The following FBXO34 variants were observed in gnomAD, a reference collection of about 807,000 sequenced individuals.
The protein encoded by FBXO34 is F-box only protein 34.
FBXO34 carries 12 observed loss-of-function variants against 24.5 expected under a neutral mutation model. The ratio of observed to expected loss-of-function variants is 0.49; its 90% CI spans 0.31 to 0.79. The LOEUF (loss-of-function observed/expected upper bound fraction) is 0.79. Ranked by LOEUF, FBXO34 falls within the 30% of genes least tolerant of loss-of-function variation. The pLI is 0.04. For missense variants in FBXO34, 823 were observed against 857.7 expected, an observed-to-expected ratio of 0.96 and a Z score of 0.51; for synonymous variants, 320 against 311.9, an observed-to-expected ratio of 1.03 and a Z score of -0.27.
At chr14:55,308,088 G>A (rs568213988) in intron 1 of FBXO34, among the ~76,000 whole-genome samples, 80 of 152,322 alleles carry the variant, frequency 5.3e-4, no homozygotes, top group African/African-American at 1.7e-3. Flanking sequence ...GCGTGTTGCC[G>A]TGTAAGAGTG....
the FBXO34 span, among the ~76,000 whole-genome samples, chr14:55,393,186 C>G: frequency 6.6e-6 from 1 of 151,938 alleles, no homozygotes; most frequent in Non-Finnish European, 1.5e-5. Flanking sequence ...TTGAGACCAT[C>G]CTGGCTAACA....
chr14:55,434,557 T>TA, the FBXO34 span, among the ~76,000 whole-genome samples: 1 of 144,792 alleles, frequency 6.9e-6, no homozygotes, highest in Non-Finnish European at 1.5e-5. Flanking sequence ...TGCCCACCCC[T>TA]ACCCCTCGTC....
chr14:55,280,019 CTCCAG>C (rs1285560355), intron 1 of FBXO34, among the ~76,000 whole-genome samples: 2 of 152,160 alleles, frequency 1.3e-5, no homozygotes, highest in Non-Finnish European at 1.5e-5. Context: ...TATCTTAAAC[CTCCAG>C]TGTGGTAGTG....
In FBXO34 at chr14:55,352,268, C is replaced by T; in HGVS notation, c.1878C>T (p.Arg626=). ...ATTCTCGCTGGGTTCGAGATCCACGCTATAGAGAGGATCCTTGCAAACAGT... is the reference window on the plus strand; with the variant it reads ...ATTCTCGCTGGGTTCGAGATCCACGTTATAGAGAGGATCCTTGCAAACAGT... ...PADSRWVRDP[R]YREDPCKQCK... Residue 626 remains arginine (R), a synonymous_variant, in exon 2 of 2, where the codon CGC becomes CGT. Transcript: ENST00000313833. The T allele has an allele frequency of 6.2e-7, 1 of 1,614,176 alleles. No individual in the cohort carries two copies. The highest frequency in any genetic ancestry group is 8.5e-7 in the Non-Finnish European group (1 of 1,180,028).
At chr14:55,381,025 G>C in the FBXO34 span, among the ~76,000 whole-genome samples, 1 of 151,816 alleles carries the variant, frequency 6.6e-6, no homozygotes, top group South Asian at 2.1e-4. Flanking sequence ...CCTCTCCAGA[G>C]AGGGCTCTCC....
At chr14:55,359,236 G>T (rs1291809102) in intron 3 of FBXO34, among the ~76,000 whole-genome samples, 1 of 152,110 alleles carries the variant, frequency 6.6e-6, no homozygotes, top group Non-Finnish European at 1.5e-5. Flanking sequence ...CCAAAGGCCA[G>T]TGCAAAATTT....
chr14:55,411,532 T>G, the FBXO34 span: 6 of 1,472,126 alleles, frequency 4.1e-6, no homozygotes, highest in Non-Finnish European at 5.5e-6. Context: ...AGCCCCAGGT[T>G]CCAGCCTTCG....
At chr14:55,330,641 A>G (rs1300715287) in intron 1 of FBXO34, among the ~76,000 whole-genome samples, 1 of 152,008 alleles carries the variant, frequency 6.6e-6, no homozygotes, top group African/African-American at 2.4e-5. Flanking sequence ...GTAAAAAAAA[A>G]TTAGCTGGGA....
the FBXO34 span, chr14:55,428,747 C>T: frequency 6.6e-7 from 1 of 1,522,070 alleles, no homozygotes; most frequent in Admixed American, 2.0e-5. Context: ...ACGTAAGCAA[C>T]CCATAATGTA....
At chr14:55,363,518 T>C (rs1183358392), downstream of FBXO34, among the ~76,000 whole-genome samples, 1 of 148,810 alleles carries the variant, frequency 6.7e-6, no homozygotes, top group African/African-American at 2.5e-5. Context: ...AGTAGAGATG[T>C]GGTTTTCACC....
the FBXO34 span, chr14:55,429,077 A>G: frequency 3.6e-6 from 5 of 1,387,882 alleles, no homozygotes; most frequent in South Asian, 5.3e-5. Context: ...TTATCTTTCA[A>G]TGTATACTAT....
chr14:55,384,673 C>T, the FBXO34 span, among the ~76,000 whole-genome samples: 1 of 152,208 alleles, frequency 6.6e-6, no homozygotes, highest in Non-Finnish European at 1.5e-5. Context: ...ACTCTGGCAA[C>T]AGACTAAAAG....
chr14:55,437,099 G>A, the FBXO34 span: 3 of 1,237,246 alleles, frequency 2.4e-6, no homozygotes, highest in Non-Finnish European at 3.5e-6. Context: ...ACTATGGCAG[G>A]CAGGCAGGCA....
downstream of FBXO34, among the ~76,000 whole-genome samples, chr14:55,362,206 G>T (rs551213847): frequency 2.6e-5 from 4 of 152,192 alleles, no homozygotes; most frequent in Admixed American, 2.0e-4. Flanking sequence ...AAGGAGGCCC[G>T]AAGAGAGGGA....
chr14:55,385,061 C>T, the FBXO34 span, among the ~76,000 whole-genome samples: 13 of 152,338 alleles, frequency 8.5e-5, no homozygotes, highest in Admixed American at 7.8e-4. Context: ...TAACAGTTAT[C>T]TTAGCAGCGG....
chr14:55,316,642 C>T (rs1279256783), intron 1 of FBXO34, among the ~76,000 whole-genome samples: 1 of 149,618 alleles, frequency 6.7e-6, no homozygotes, highest in African/African-American at 2.5e-5. Context: ...GTGGGAGGAT[C>T]ACTTGAACCT....
chr14:55,301,378 A>G (rs1297612163), intron 1 of FBXO34, among the ~76,000 whole-genome samples: 5 of 152,062 alleles, frequency 3.3e-5, no homozygotes. Context: ...TCAAGGCTCC[A>G]GTGAACTGTG....
intron 1 of FBXO34, chr14:55,282,772 TAAA>T (rs1881603935): frequency 6.6e-6 from 1 of 152,250 alleles, no homozygotes; most frequent in African/African-American, 2.4e-5. Context: ...TTATGACAAT[TAAA>T]AAGATTAATT....
the FBXO34 span, among the ~76,000 whole-genome samples, chr14:55,393,245 C>A: frequency 1.3e-5 from 2 of 151,830 alleles, no homozygotes; most frequent in African/African-American, 2.4e-5. Context: ...CTTAGCCGGG[C>A]GTGGTGGTGG....
Sources: allele counts gnomAD v4.1 joint callset (sites outside exome capture counted in the v4.1 genomes callset), GRCh38; gene constraint gnomAD v4.1.1; transcripts MANE v1.5; gene names NCBI Gene and HGNC (gene_info 2026-07-23, HGNC 2026-07-21).